KLHL2: variants seen among roughly 807,000 people sequenced by gnomAD.
KLHL2 encodes the protein kelch-like protein 2.
Under a neutral mutation model 75.8 loss-of-function variants are expected in KLHL2, and 15 were observed. That is an observed-to-expected ratio of 0.20 (90% CI 0.13 to 0.30). The LOEUF (loss-of-function observed/expected upper bound fraction) is 0.30. Ranked by LOEUF, KLHL2 falls within the 10% of genes least tolerant of loss-of-function variation. The probability of loss-of-function intolerance (pLI) is 1.00; values close to 1 mark genes in which losing one functional copy is unlikely to be tolerated. For missense variants in KLHL2, 381 were observed against 741.0 expected, an observed-to-expected ratio of 0.51 and a Z score of 5.64; for synonymous variants, 214 against 251.9, an observed-to-expected ratio of 0.85 and a Z score of 1.42.
At chr4:165,227,932 C>T (rs1578993138) in intron 2 of KLHL2, among the ~76,000 whole-genome samples, 2 of 150,640 alleles carry the variant, frequency 1.3e-5, no homozygotes, top group East Asian at 3.9e-4. Flanking sequence ...GAGTCTCACT[C>T]TGTCACCCAG....
At chr4:165,259,422 TTA>T (rs1741465790) in intron 4 of KLHL2, among the ~76,000 whole-genome samples, 3 of 152,248 alleles carry the variant, frequency 2.0e-5, no homozygotes. Flanking sequence ...ACCTATATTC[TTA>T]ACTATTAATG....
rs1311888133 is a variant in KLHL2, at chr4:165,322,057, A to T, written c.1779A>T (p.Leu593Phe). The T allele has an allele frequency of 6.2e-7, 1 of 1,613,336 alleles. No individual in the cohort carries two copies. The highest frequency in any genetic ancestry group is 1.3e-5 in the African/African-American group (1 of 74,896). ...GGGTCACAGTTATTGATAAACCATT[A>T]TGAGCCTGAAGGACATTTTCAGCAT... ...YAGVTVIDKPL is the reference protein window; with the variant it reads ...YAGVTVIDKPF Residue 593 changes from leucine to phenylalanine, a missense_variant, in exon 15 of 15, where the codon TTA becomes TTT. By Grantham distance (22) the Leu-to-Phe change is conservative (BLOSUM62 0). Around this residue, in one of 5 missense-constraint regions of KLHL2, gnomAD observed 168 missense variants for 370.4 expected, o/e 0.45. Transcript: ENST00000226725.
chr4:165,257,076 A>C (rs1216477175), intron 4 of KLHL2, among the ~76,000 whole-genome samples: 1 of 152,184 alleles, frequency 6.6e-6, no homozygotes, highest in African/African-American at 2.4e-5. Context: ...TTTAAACAGC[A>C]CTATAATTAA....
intron 6 of KLHL2, 23 bp downstream of exon 6, chr4:165,294,491 A>C: frequency 7.5e-7 from 1 of 1,326,624 alleles, no homozygotes; most frequent in Non-Finnish European, 1.1e-6. Context: ...TTCTTTTCCC[A>C]GTGTGCAATG....
chr4:165,226,382 G>C (rs1177283237), intron 2 of KLHL2, among the ~76,000 whole-genome samples: 4 of 152,014 alleles, frequency 2.6e-5, no homozygotes, highest in Admixed American at 6.6e-5. Context: ...GCTCCTTCTC[G>C]ATCCAGCTAA....
rs556975563 is a variant in KLHL2, at chr4:165,217,157, C to T, written c.27-2777C>T. Among the ~76,000 whole-genome samples the T allele has an allele frequency of 2.0e-5, 3 of 152,224 alleles. No homozygotes were observed. In the South Asian group the frequency reaches 6.2e-4, roughly 32 times the overall value. ...TGCTAATCCTCAGTATAACATTCTTCCTTTGTTGCACCTTCTAAATTATTA... is the reference window on the plus strand; with the variant it reads ...TGCTAATCCTCAGTATAACATTCTTTCTTTGTTGCACCTTCTAAATTATTA... On this transcript the variant is annotated intron_variant, in intron 1 of 14. Transcript: ENST00000226725.
At chr4:165,277,747 A>AC (rs1365806710) in intron 5 of KLHL2, 231 of 560,646 alleles carry the variant, frequency 4.1e-4, no homozygotes, top group African/African-American at 7.1e-4. Context: ...TGGATGTTAA[A>AC]AACACACACA....
At chr4:165,320,800 C>A (rs1025058873) in intron 14 of KLHL2, among the ~76,000 whole-genome samples, 9 of 152,134 alleles carry the variant, frequency 5.9e-5, no homozygotes, top group African/African-American at 1.9e-4. Flanking sequence ...TCAAAGAAAT[C>A]ATGAAAGAGA....
chr4:165,256,542 A>ATC (rs1265136273), intron 4 of KLHL2, among the ~76,000 whole-genome samples: 1 of 152,168 alleles, frequency 6.6e-6, no homozygotes, highest in African/African-American at 2.4e-5. Flanking sequence ...AAGTGAGGCA[A>ATC]TCTCTAGTGA....
At chr4:165,232,860 G>C (rs1355265127) in intron 3 of KLHL2, among the ~76,000 whole-genome samples, 1 of 138,710 alleles carries the variant, frequency 7.2e-6, no homozygotes, top group Admixed American at 7.1e-5. Context: ...GTTTTTCATG[G>C]TCTGAAACCC....
chr4:165,273,751 G>C (rs970005087), intron 5 of KLHL2, among the ~76,000 whole-genome samples: 1 of 152,198 alleles, frequency 6.6e-6, no homozygotes, highest in Non-Finnish European at 1.5e-5. Context: ...AAATTGCCTA[G>C]TCTTGCATAT....
intron 4 of KLHL2, among the ~76,000 whole-genome samples, chr4:165,243,427 A>G (rs1739983232): frequency 6.6e-6 from 1 of 152,240 alleles, no homozygotes; most frequent in Non-Finnish European, 1.5e-5. Flanking sequence ...TTCTTTCCAT[A>G]TTAGAACTGT....
intron 2 of KLHL2, 63 bp downstream of exon 2, chr4:165,220,122 A>G: frequency 6.5e-7 from 1 of 1,549,578 alleles, no homozygotes; most frequent in Non-Finnish European, 8.7e-7. Flanking sequence ...AGTTGTTTGT[A>G]GTGAATATAT....
At chr4:165,297,855 A>G in intron 7 of KLHL2, 130 bp downstream of exon 7, 1 of 684,952 alleles carries the variant, frequency 1.5e-6, no homozygotes. Context: ...AGAAGACAGT[A>G]AAGGACCCCG....
chr4:165,271,903 A>C (rs1252354776), intron 5 of KLHL2, among the ~76,000 whole-genome samples: 1 of 152,162 alleles, frequency 6.6e-6, no homozygotes, highest in African/African-American at 2.4e-5. Flanking sequence ...CAGTGTGCTT[A>C]CTCTGATGAG....
rs567458735 is a variant in KLHL2, at chr4:165,252,355, G to A, written c.382-10842G>A. Among the ~76,000 whole-genome samples, 3 of 151,954 alleles carry A rather than the reference G, an allele frequency of 2.0e-5. No individual in the cohort carries two copies. The East Asian group carries it at 5.8e-4, about 29-fold the overall frequency. ...ATCCAGTCCAGGTGGTCACAGTCTA[G>A]AGTTGTTAAATTATATGTGGTTCTG... On this transcript the variant is annotated intron_variant, in intron 4 of 14. Coordinates refer to ENST00000226725, the MANE Select transcript of KLHL2 (RefSeq NM_007246.4).
intron 2 of KLHL2, among the ~76,000 whole-genome samples, chr4:165,222,995 A>G (rs1488638960): frequency 6.6e-6 from 1 of 152,254 alleles, no homozygotes; most frequent in Non-Finnish European, 1.5e-5. Context: ...GGGTAGGAAG[A>G]CAGGAGTTCT....
intron 8 of KLHL2, among the ~76,000 whole-genome samples, chr4:165,300,515 G>A (rs908776431): frequency 4.6e-5 from 7 of 152,082 alleles, no homozygotes; most frequent in African/African-American, 9.6e-5. Context: ...CGTGTGTCTC[G>A]TGTTCATATT....
chr4:165,236,736 A>G (rs1434454254), intron 3 of KLHL2, among the ~76,000 whole-genome samples: 2 of 152,108 alleles, frequency 1.3e-5, no homozygotes, highest in African/African-American at 2.4e-5. Flanking sequence ...CACATTTTTT[A>G]TTTTTCTTAC....
Sources: allele counts gnomAD v4.1 joint callset (sites outside exome capture counted in the v4.1 genomes callset), GRCh38; gene constraint gnomAD v4.1.1; regional missense constraint gnomAD v4.1.1; transcripts MANE v1.5; gene names NCBI Gene and HGNC (gene_info 2026-07-23, HGNC 2026-07-21).